Variants in ETS1 observed in about 807,000 individuals in gnomAD.
ETS1 encodes the protein protein C-ets-1.
Under a neutral mutation model 58.6 loss-of-function variants are expected in ETS1, and 15 were observed. The observed-to-expected ratio is 0.26, with a 90% CI of 0.17 to 0.39. The LOEUF (loss-of-function observed/expected upper bound fraction) is 0.39, where lower values mean the gene tolerates loss of function less well. Ranked by LOEUF, ETS1 falls within the 10% of genes least tolerant of loss-of-function variation. The probability of loss-of-function intolerance (pLI) is 1.00; values close to 1 mark genes in which losing one functional copy is unlikely to be tolerated. For synonymous variants in ETS1, 214 were observed against 218.2 expected, an observed-to-expected ratio of 0.98 and a Z score of 0.17; for missense variants, 417 against 610.5, an observed-to-expected ratio of 0.68 and a Z score of 3.34.
intron 3 of ETS1, among the ~76,000 whole-genome samples, chr11:128,520,552 A>C (rs1225079154): frequency 6.6e-6 from 1 of 152,210 alleles, no homozygotes; most frequent in Non-Finnish European, 1.5e-5. Flanking sequence ...ACCCCCAAAC[A>C]CAACCATCAT....
At chr11:128,504,414 G>C (rs1294833257) in intron 3 of ETS1, among the ~76,000 whole-genome samples, 2 of 152,312 alleles carry the variant, frequency 1.3e-5, no homozygotes, top group African/African-American at 4.8e-5. Context: ...GGAATTTACA[G>C]AATTTGCTAT....
chr11:128,556,242 A>T, intron 3 of ETS1, 49 bp downstream of exon 3: 6 of 1,520,340 alleles, frequency 3.9e-6, no homozygotes, highest in Non-Finnish European at 5.3e-6. Flanking sequence ...TCACATTTCC[A>T]TTGTCCTTCA....
intron 3 of ETS1, chr11:128,530,488 A>G (rs889461511): frequency 1.3e-5 from 2 of 152,258 alleles, no homozygotes; most frequent in Non-Finnish European, 2.9e-5. Flanking sequence ...ATGACAGGTA[A>G]CGTGCAGAAT....
chr11:128,586,278 C>A (rs1256396035), intron 1 of ETS1, among the ~76,000 whole-genome samples: 1 of 152,178 alleles, frequency 6.6e-6, no homozygotes, highest in Non-Finnish European at 1.5e-5. Flanking sequence ...ATGAAAAGAC[C>A]TTTTCATCTT....
At chr11:128,504,113 C>T (rs888983652) in intron 3 of ETS1, among the ~76,000 whole-genome samples, 1 of 152,128 alleles carries the variant, frequency 6.6e-6, no homozygotes, top group Admixed American at 6.5e-5. Context: ...AAAGGAGGGG[C>T]CTAGAGAGAT....
chr11:128,466,789 C>T (rs1335726557), intron 8 of ETS1, among the ~76,000 whole-genome samples: 22 of 151,322 alleles, frequency 1.5e-4, no homozygotes, highest in Admixed American at 1.4e-3. Flanking sequence ...TTTCTGTTTA[C>T]ACCCAAGGAA....
At chr11:128,579,532 A>C (rs1864820047) in intron 1 of ETS1, among the ~76,000 whole-genome samples, 1 of 152,006 alleles carries the variant, frequency 6.6e-6, no homozygotes, top group Non-Finnish European at 1.5e-5. Flanking sequence ...GTGGTGGTAC[A>C]TGCCTGTAAT....
chr11:128,481,622 C>T (rs187812137), intron 7 of ETS1, among the ~76,000 whole-genome samples: 2 of 152,284 alleles, frequency 1.3e-5, no homozygotes, highest in East Asian at 1.9e-4. Flanking sequence ...GAGAAATATC[C>T]GTAAGTCAAC....
chr11:128,466,238 C>A (rs1370137261), intron 8 of ETS1, among the ~76,000 whole-genome samples: 1 of 152,184 alleles, frequency 6.6e-6, no homozygotes, highest in African/African-American at 2.4e-5. Flanking sequence ...GTTTCTCCTT[C>A]CCAATGTTCA....
At chr11:128,473,124 G>A (rs185672590) in intron 8 of ETS1, among the ~76,000 whole-genome samples, 108 of 152,288 alleles carry the variant, frequency 7.1e-4, no homozygotes, top group Non-Finnish European at 1.1e-3. Context: ...AAAAGTCAGT[G>A]TATATGAAGG....
chr11:128,531,695 G>GAGAAT, intron 3 of ETS1, among the ~76,000 whole-genome samples: 1 of 152,168 alleles, frequency 6.6e-6, no homozygotes, highest in Non-Finnish European at 1.5e-5. Context: ...TAGCAGCAAA[G>GAGAAT]AGAATATGTA....
chr11:128,516,710 G>C (rs888104669), intron 3 of ETS1, among the ~76,000 whole-genome samples: 1 of 152,062 alleles, frequency 6.6e-6, no homozygotes, highest in African/African-American at 2.4e-5. Flanking sequence ...ACATGGAATG[G>C]ACTTTTTTAA....
rs115700724 is a variant in ETS1, at chr11:128,510,684, T to C, written c.215-20108A>G. 4.7e-3 allele frequency among the ~76,000 whole-genome samples: 723 copies of C among 152,322 alleles called. 7 individuals are homozygous for C. The highest frequency in any genetic ancestry group is 0.016 in the African/African-American group (663 of 41,564). ...CAAAACAGCAAACTTAAAACTATTA[T>C]CTTCATGCTTGCTATAATCAGGTGT... On this transcript the variant is annotated intron_variant, in intron 3 of 9. Transcript: ENST00000392668.
intron 8 of ETS1, among the ~76,000 whole-genome samples, chr11:128,470,463 A>G (rs1183899386): frequency 1.3e-5 from 2 of 152,174 alleles, no homozygotes; most frequent in African/African-American, 4.8e-5. Flanking sequence ...CCTAAAATGG[A>G]AATAGTAATC....
intron 3 of ETS1, among the ~76,000 whole-genome samples, chr11:128,537,663 A>G (rs910808748): frequency 6.6e-6 from 1 of 152,210 alleles, no homozygotes. Context: ...AACCTACTAA[A>G]TAAGAGCAGC....
intron 3 of ETS1, among the ~76,000 whole-genome samples, chr11:128,492,090 A>C (rs949123263): frequency 1.3e-5 from 2 of 152,224 alleles, no homozygotes; most frequent in African/African-American, 4.8e-5. Context: ...TGACAGTGAT[A>C]CACTTTACCA....
intron 8 of ETS1, among the ~76,000 whole-genome samples, chr11:128,467,739 C>A (rs573480181): frequency 6.6e-6 from 1 of 152,142 alleles, no homozygotes; most frequent in Non-Finnish European, 1.5e-5. Context: ...GCACCCTTCA[C>A]GATGCTGCCC....
At chr11:128,574,150 T>A (rs1239136418) in intron 1 of ETS1, among the ~76,000 whole-genome samples, 1 of 151,366 alleles carries the variant, frequency 6.6e-6, no homozygotes, top group Non-Finnish European at 1.5e-5. Context: ...AATGTTTAAA[T>A]GATATAGTTA....
At chr11:128,548,881 A>G (rs997613081) in intron 3 of ETS1, among the ~76,000 whole-genome samples, 5 of 152,186 alleles carry the variant, frequency 3.3e-5, no homozygotes, top group Non-Finnish European at 7.4e-5. Flanking sequence ...GATTAGCCTG[A>G]TGGTTTCCTC....
Sources: gnomAD v4.1 joint callset for allele counts (sites outside exome capture counted in the v4.1 genomes callset) on GRCh38, gnomAD v4.1.1 for gene constraint, MANE v1.5 for transcripts, NCBI Gene and HGNC (gene_info 2026-07-23, HGNC 2026-07-21) for gene names.